TTBK2: variants seen among roughly 807,000 people sequenced by gnomAD.
TTBK2 encodes tau tubulin kinase 2, also known as tau-tubulin kinase 2.
In TTBK2, 28 loss-of-function variants were observed where a neutral mutation model predicts 110.8. The ratio of observed to expected loss-of-function variants is 0.25; its 90% CI spans 0.19 to 0.35. The LOEUF (loss-of-function observed/expected upper bound fraction) is 0.35. TTBK2 is among the 10% of genes least tolerant of loss of function. The probability of loss-of-function intolerance (pLI) is 1.00; values close to 1 mark genes in which losing one functional copy is unlikely to be tolerated. For missense variants in TTBK2, 1,369 were observed against 1,500.3 expected, an observed-to-expected ratio of 0.91 and a Z score of 1.45; for synonymous variants, 532 against 527.3, an observed-to-expected ratio of 1.01 and a Z score of -0.12.
At chr15:42,834,028 C>T (rs776148803) in intron 4 of TTBK2, among the ~76,000 whole-genome samples, 2 of 151,408 alleles carry the variant, frequency 1.3e-5, no homozygotes, top group Non-Finnish European at 3.0e-5. Context: ...CAAAACAAAA[C>T]AAAACAAAAC....
chr15:42,798,341 T>C lies in TTBK2; in HGVS notation c.823-3540A>G, dbSNP rs776052749. ...TTCCAACGCTTCCCTCTAAAAGGCA[T>C]GTCCCATATCTCTTCATTGGTAATC... On this transcript the variant is annotated intron_variant, in intron 9 of 14. Coordinates refer to ENST00000267890, the MANE Select transcript of TTBK2 (RefSeq NM_173500.4). 1.5e-5 allele frequency: 7 copies of C among 456,064 alleles called. No homozygotes were observed. In the East Asian group the frequency reaches 3.5e-4, roughly 23 times the overall value. The allele number at this position is 456,064 out of a possible 1,614,324, so 28.3% of individuals were successfully genotyped here. A position where few individuals can be genotyped will look rare whatever the true frequency, so the allele number is the denominator to read the frequency against.
chr15:42,765,897 C>A (rs1889347016), intron 13 of TTBK2, among the ~76,000 whole-genome samples: 1 of 152,182 alleles, frequency 6.6e-6, no homozygotes, highest in South Asian at 2.1e-4. Context: ...CAGAGGGAAG[C>A]CCATCAGACT....
intron 14 of TTBK2, among the ~76,000 whole-genome samples, chr15:42,748,160 A>G (rs756000684): frequency 3.9e-5 from 6 of 152,208 alleles, no homozygotes; most frequent in Non-Finnish European, 5.9e-5. Flanking sequence ...GAAGGGGGTT[A>G]GTTACAGAAA....
rs1313183335 is a variant in TTBK2 at position 42,752,495 on chromosome 15, A to C, written c.2751T>G (p.Phe917Leu). The C allele has an allele frequency of 5.0e-6, 8 of 1,614,074 alleles. No individual in the cohort carries two copies. Among genetic ancestry groups the C allele is most frequent in the Non-Finnish European group, 6.8e-6 (8 of 1,180,048 alleles). ...EKITPRNGEL[F>L]HCVSENEHGA... The stretch of plus-strand genomic sequence containing the variant: ...CATGTTCATTCTCTGAAACACAATG[A>C]AATAGTTCTCCATTTCTAGGGGTGA... Residue 917 changes from phenylalanine to leucine, a missense_variant, in exon 14 of 15, where the codon TTT becomes TTG. Physicochemically the swap from Phe to Leu is conservative, Grantham distance 22. Coordinates refer to ENST00000267890, the MANE Select transcript of TTBK2 (RefSeq NM_173500.4).
intron 2 of TTBK2, among the ~76,000 whole-genome samples, chr15:42,878,277 C>T (rs1384459609): frequency 2.6e-5 from 4 of 151,732 alleles, no homozygotes; most frequent in South Asian, 2.1e-4. Flanking sequence ...CCACTGCGCC[C>T]GGCCAGCTCA....
intron 6 of TTBK2, among the ~76,000 whole-genome samples, chr15:42,825,731 A>G (rs1325941703): frequency 1.3e-5 from 2 of 152,286 alleles, no homozygotes; most frequent in African/African-American, 4.8e-5. Flanking sequence ...ATAAAATAAA[A>G]TAAAATAAAA....
Position 42,777,016 on chromosome 15 carries a change from T to C in TTBK2, c.1409+15A>G. The C allele has an allele frequency of 1.2e-6, 2 of 1,612,346 alleles. No individual in the cohort carries two copies. The highest frequency in any genetic ancestry group is 1.7e-6 in the Non-Finnish European group (2 of 1,178,660). On this transcript the variant is annotated intron_variant, in intron 12 of 14. Transcript: ENST00000267890. ...ACCTTAGAAGCTTTAAAAAGAAAAA[T>C]ACACTATTTTATACCAGGTCTCAAG...
chr15:42,818,548 T>A (rs1892142859), intron 6 of TTBK2, among the ~76,000 whole-genome samples: 1 of 151,850 alleles, frequency 6.6e-6, no homozygotes, highest in African/African-American at 2.4e-5. Context: ...TGAAACCCCA[T>A]CTCTACTAAA....
At chr15:42,897,166 T>C (rs1294498465) in intron 1 of TTBK2, among the ~76,000 whole-genome samples, 2 of 152,114 alleles carry the variant, frequency 1.3e-5, no homozygotes, top group Non-Finnish European at 2.9e-5. Context: ...TGTGAGCCAC[T>C]GCACCTGGCC....
At chr15:42,831,070 C>T (rs1892740714) in intron 4 of TTBK2, among the ~76,000 whole-genome samples, 1 of 150,926 alleles carries the variant, frequency 6.6e-6, no homozygotes, top group African/African-American at 2.4e-5. Context: ...ATATAGAATG[C>T]ATATACATAC....
At chr15:42,861,663 C>T (rs1459209175) in intron 3 of TTBK2, among the ~76,000 whole-genome samples, 1 of 151,522 alleles carries the variant, frequency 6.6e-6, no homozygotes, top group Admixed American at 6.6e-5. Context: ...AATTAACAAT[C>T]TAATATCTTG....
chr15:42,787,788 A>C (rs553261249), intron 10 of TTBK2, among the ~76,000 whole-genome samples: 56 of 152,268 alleles, frequency 3.7e-4, no homozygotes, highest in African/African-American at 1.2e-3. Context: ...TATAACTTTT[A>C]GTTTTTATTT....
At chr15:42,854,265 T>C (rs1393435728) in intron 3 of TTBK2, among the ~76,000 whole-genome samples, 4 of 152,194 alleles carry the variant, frequency 2.6e-5, no homozygotes, top group Non-Finnish European at 5.9e-5. Flanking sequence ...AAGAAAAACA[T>C]TTTGTTATGC....
intron 3 of TTBK2, among the ~76,000 whole-genome samples, chr15:42,869,472 AC>A (rs1894525134): frequency 6.6e-6 from 1 of 152,038 alleles, no homozygotes; most frequent in African/African-American, 2.4e-5. Context: ...TGAGAAAAAA[AC>A]AACAAAATAA....
At chr15:42,901,341 G>A (rs1390925016) in intron 1 of TTBK2, among the ~76,000 whole-genome samples, 3 of 151,192 alleles carry the variant, frequency 2.0e-5, no homozygotes, top group Non-Finnish European at 4.4e-5. Flanking sequence ...CAGCCTGGGC[G>A]ACAGAGCAAG....
chr15:42,827,448 T>A lies in TTBK2; in HGVS notation c.537+480A>T, dbSNP rs116031779. ...AAAGGCAGGCAACAGAAACTGCCTG[T>A]GAGAGTGACCAGATATTGGATTTAA... On this transcript the variant is annotated intron_variant, in intron 6 of 14. Transcript: ENST00000267890. 3.4e-3 allele frequency among the ~76,000 whole-genome samples: 519 copies of A among 152,284 alleles called. 1 individual carries two copies. Among genetic ancestry groups the A allele is most frequent in the African/African-American group, 0.012 (497 of 41,550 alleles).
chr15:42,871,407 A>C, intron 3 of TTBK2: 2 of 974,252 alleles, frequency 2.1e-6, no homozygotes, highest in Non-Finnish European at 1.2e-6. Context: ...AAGCAGGAGA[A>C]CCTCCTGAAG....
intron 1 of TTBK2, among the ~76,000 whole-genome samples, chr15:42,907,921 AT>A (rs1054584617): frequency 1.3e-4 from 19 of 146,386 alleles, no homozygotes; most frequent in East Asian, 7.9e-4. Flanking sequence ...AAAAAAAAAA[AT>A]AATAATAATA....
At chr15:42,810,292 A>C (rs1209786758) in intron 9 of TTBK2, among the ~76,000 whole-genome samples, 1 of 152,198 alleles carries the variant, frequency 6.6e-6, no homozygotes, top group Non-Finnish European at 1.5e-5. Flanking sequence ...CTGGTCAACA[A>C]ATTAGCTATA....
Sources: gnomAD v4.1 joint callset for allele counts (sites outside exome capture counted in the v4.1 genomes callset) on GRCh38, gnomAD v4.1.1 for gene constraint, MANE v1.5 for transcripts, NCBI Gene and HGNC (gene_info 2026-07-23, HGNC 2026-07-21) for gene names.